Variants in PCDHA3 observed in about 807,000 individuals in gnomAD.
PCDHA3 encodes the protein protocadherin alpha 3.
In PCDHA3, 41 loss-of-function variants were observed where a neutral mutation model predicts 62.2. That is an observed-to-expected ratio of 0.66 (90% CI 0.51 to 0.86). The LOEUF is 0.86. Among genes scored for constraint, PCDHA3 ranks in the 40% least tolerant of loss-of-function variants. The pLI, the probability that PCDHA3 is intolerant of heterozygous loss-of-function variation, is 0.00. For missense variants in PCDHA3, 1,304 were observed against 1,241.2 expected (o/e 1.05, Z -0.76); for synonymous variants, 640 against 555.4 (o/e 1.15, Z -2.14).
chr5:140,871,008 C>A lies in PCDHA3; in HGVS notation c.2394+67417C>A, dbSNP rs782247452. Reference sequence around the variant, plus strand: ...CGGGCGAGATAAGCACAACGCGTGCCCTGGACGAGGCAGACTCGCCGCGCC... The same window carrying A: ...CGGGCGAGATAAGCACAACGCGTGCACTGGACGAGGCAGACTCGCCGCGCC... On this transcript the variant is annotated intron_variant, in intron 1 of 3. Transcript: ENST00000522353. The A allele has an allele frequency of 5.6e-6, 9 of 1,613,284 alleles. No homozygotes were observed. The African/African-American group carries it at 1.1e-4, about 19-fold the overall frequency.
At chr5:140,838,209 G>C (rs1580889763) in intron 1 of PCDHA3, among the ~76,000 whole-genome samples, 1 of 149,446 alleles carries the variant, frequency 6.7e-6, no homozygotes, top group Admixed American at 6.7e-5. Flanking sequence ...CGCCTCTCTG[G>C]TACAAGCAGT....
chr5:140,978,057 T>C (rs527562348), intron 1 of PCDHA3, among the ~76,000 whole-genome samples: 1 of 152,304 alleles, frequency 6.6e-6, no homozygotes, highest in South Asian at 2.1e-4. Context: ...ACTGATGATG[T>C]CCCAGTGATT....
chr5:140,989,552 G>A (rs975079697), intron 3 of PCDHA3, among the ~76,000 whole-genome samples: 33 of 152,180 alleles, frequency 2.2e-4, no homozygotes, highest in African/African-American at 7.7e-4. Context: ...ATTCCTTTAC[G>A]TTTTGTGGCT....
chr5:140,908,880 A>C (rs1342304863), intron 1 of PCDHA3, among the ~76,000 whole-genome samples: 1 of 152,204 alleles, frequency 6.6e-6, no homozygotes, highest in Non-Finnish European at 1.5e-5. Context: ...TCCAAAATCC[A>C]ATAGTCCCAA....
Position 140,807,809 on chromosome 5 carries a change from A to G in PCDHA3, c.2394+4218A>G, listed in dbSNP as rs781897114. 2.2e-5 allele frequency: 35 copies of G among 1,613,958 alleles called. No individual in the cohort carries two copies. The African/African-American group carries it at 3.7e-4, about 17-fold the overall frequency. On this transcript the variant is annotated intron_variant, in intron 1 of 3. Transcript: ENST00000522353. ...TTTAGACAGAGAAGAAGCTCCGGAG[A>G]TTTTTTTAGTGCTCACAGCCACTGA... is the stretch of plus-strand genomic sequence containing the variant.
At chr5:140,994,329 T>A (rs1041024319) in intron 3 of PCDHA3, among the ~76,000 whole-genome samples, 2 of 152,096 alleles carry the variant, frequency 1.3e-5, no homozygotes, top group Non-Finnish European at 2.9e-5. Context: ...TCAGCAACCA[T>A]GAACAGTGGA....
chr5:140,815,351 T>A (rs2126663631), intron 1 of PCDHA3: 1 of 152,224 alleles, frequency 6.6e-6, no homozygotes, highest in South Asian at 2.1e-4. Flanking sequence ...CTTTTGTATA[T>A]CTTCCATAGG....
chr5:140,826,791 G>A (rs1434779274), intron 1 of PCDHA3, among the ~76,000 whole-genome samples: 2 of 152,138 alleles, frequency 1.3e-5, no homozygotes, highest in African/African-American at 4.8e-5. Flanking sequence ...CCTGCAAAAA[G>A]TTGATTACCT....
intron 1 of PCDHA3, chr5:140,807,658 C>G (rs782754560): frequency 8.7e-6 from 14 of 1,614,204 alleles, no homozygotes; most frequent in East Asian, 2.2e-5. Context: ...TAGAGGGCGC[C>G]TCGGATGCAG....
chr5:140,861,023 C>T (rs1192782331), intron 1 of PCDHA3: 1 of 152,246 alleles, frequency 6.6e-6, no homozygotes, highest in Non-Finnish European at 1.5e-5. Context: ...GCCACCGCAC[C>T]CGGCCGAAAG....
chr5:140,829,791 C>G, intron 1 of PCDHA3: 1 of 1,613,788 alleles, frequency 6.2e-7, no homozygotes, highest in Non-Finnish European at 8.5e-7. Context: ...GCGCTGCTGG[C>G]GCCTCGGGTG....
At chr5:140,844,128 T>G (rs1265554097) in intron 1 of PCDHA3, among the ~76,000 whole-genome samples, 4 of 149,752 alleles carry the variant, frequency 2.7e-5, no homozygotes, top group South Asian at 2.1e-4. Flanking sequence ...ATGCATGTTT[T>G]AAATATGTTG....
intron 3 of PCDHA3, among the ~76,000 whole-genome samples, chr5:141,003,899 A>G (rs1288060303): frequency 1.3e-5 from 2 of 152,200 alleles, no homozygotes; most frequent in East Asian, 1.9e-4. Context: ...AGGCCCATTC[A>G]TTTGGGTCTT....
intron 1 of PCDHA3, chr5:140,869,694 G>A (rs782372405): frequency 6.2e-7 from 1 of 1,613,394 alleles, no homozygotes; most frequent in Non-Finnish European, 8.5e-7. Flanking sequence ...TTATTTTAAA[G>A]AAGTCTCTGG....
chr5:140,841,255 C>G, intron 1 of PCDHA3: 8 of 1,511,904 alleles, frequency 5.3e-6, no homozygotes, highest in Non-Finnish European at 7.1e-6. Flanking sequence ...GATTAAAAGA[C>G]TCTGAAAGTA....
chr5:140,907,479 G>A (rs782466276), intron 1 of PCDHA3, among the ~76,000 whole-genome samples: 1 of 152,216 alleles, frequency 6.6e-6, no homozygotes, highest in Non-Finnish European at 1.5e-5. Context: ...TGCAGGATAG[G>A]CAAACCCATA....
chr5:140,933,379 G>T (rs1403607512), intron 1 of PCDHA3, among the ~76,000 whole-genome samples: 1 of 151,928 alleles, frequency 6.6e-6, no homozygotes, highest in Non-Finnish European at 1.5e-5. Flanking sequence ...TTCCTTGGCT[G>T]TTCCTAGAGC....
At chr5:140,855,140 G>C (rs2043352790) in intron 1 of PCDHA3, among the ~76,000 whole-genome samples, 1 of 149,686 alleles carries the variant, frequency 6.7e-6, no homozygotes. Context: ...TTTGCCTGAT[G>C]AGCCAAATTT....
At chr5:140,807,334 G>T (rs782485620) in intron 1 of PCDHA3, 5 of 1,613,364 alleles carry the variant, frequency 3.1e-6, no homozygotes, top group Admixed American at 3.3e-5. Context: ...GCCGCATCGC[G>T]CAGGACCTGG....
Sources: gnomAD v4.1 joint callset for allele counts (sites outside exome capture counted in the v4.1 genomes callset) on GRCh38, gnomAD v4.1.1 for gene constraint, MANE v1.5 for transcripts, NCBI Gene and HGNC (gene_info 2026-07-23, HGNC 2026-07-21) for gene names.